Variants in PTPRS observed in about 807,000 individuals in gnomAD.
The protein encoded by PTPRS is protein tyrosine phosphatase receptor type S, also known as receptor-type tyrosine-protein phosphatase S.
Under a neutral mutation model 215.3 loss-of-function variants are expected in PTPRS, and 63 were observed. The observed-to-expected ratio is 0.29, with a 90% CI of 0.24 to 0.36. The LOEUF (loss-of-function observed/expected upper bound fraction) is 0.36, where lower values mean the gene tolerates loss of function less well. Among genes scored for constraint, PTPRS ranks in the 10% least tolerant of loss-of-function variants. The probability of loss-of-function intolerance (pLI) is 1.00; values close to 1 mark genes in which losing one functional copy is unlikely to be tolerated. For missense variants in PTPRS, 2,258 were observed against 2,825.8 expected (o/e 0.80, Z 4.56); for synonymous variants, 1,404 against 1,191.4 (o/e 1.18, Z -3.68).
In PTPRS at chr19:5,286,194, TCA is replaced by T. The variant is rs769541724; in HGVS notation, c.-56_-55del. On this transcript the variant is annotated 5_prime_UTR_variant, in exon 2 of 38. Transcript: ENST00000262963. The stretch of plus-strand genomic sequence containing the variant: ...TGGAGGGGGATGGCCCCCCGGTCCC[TCA>T]CAGAGAGGCCTCGAGCCGAGCGTCA... 3.1e-6 allele frequency: 5 copies of T among 1,593,846 alleles called. No individual in the cohort carries two copies. Among genetic ancestry groups the T allele is most frequent in the South Asian group, 1.1e-5 (1 of 89,242 alleles).
intron 2 of PTPRS, among the ~76,000 whole-genome samples, chr19:5,285,068 C>T (rs973702539): frequency 6.6e-5 from 10 of 152,244 alleles, no homozygotes; most frequent in Admixed American, 6.5e-4. Context: ...TGTGGTAACA[C>T]AGGATTGCCG....
intron 13 of PTPRS, among the ~76,000 whole-genome samples, chr19:5,232,844 C>T (rs915368388): frequency 7.2e-5 from 11 of 152,078 alleles, no homozygotes; most frequent in Non-Finnish European, 1.5e-4. Flanking sequence ...TGCCAGGCAC[C>T]GTGGCAAGGG....
chr19:5,211,461 A>AGATGT (rs2040876632), intron 33 of PTPRS, 129 bp downstream of exon 33: 1 of 887,458 alleles, frequency 1.1e-6, no homozygotes, highest in African/African-American at 1.7e-5. Flanking sequence ...ATACATCTAA[A>AGATGT]GATGTGTATT....
chr19:5,285,673 C>T (rs1055834634), intron 2 of PTPRS, among the ~76,000 whole-genome samples: 2 of 152,162 alleles, frequency 1.3e-5, no homozygotes, highest in African/African-American at 4.8e-5. Context: ...GTCCTTGCCT[C>T]GTTTTCCCTC....
In PTPRS at chr19:5,206,060, T is replaced by TAA. The variant is rs545658474; in HGVS notation, c.*712_*713dup. 2.9e-3 allele frequency among the ~76,000 whole-genome samples: 207 copies of TAA among 70,198 alleles called. 1 individual carries two copies. The highest frequency in any genetic ancestry group is 7.8e-3 in the African/African-American group (147 of 18,938). 46.1% of individuals were successfully genotyped at this position (70,198 alleles called of 152,430 possible). ...CACACTTTCTGATGGTAGGAAAAAT[T>TAA]AAAAAAAAAAAAAAAAAAAAAAAAG... On this transcript the variant is annotated 3_prime_UTR_variant, in exon 38 of 38. Transcript: ENST00000262963.
intron 14 of PTPRS, among the ~76,000 whole-genome samples, 170 bp from the exon 15 acceptor site, chr19:5,229,854 C>T (rs1599537324): frequency 6.6e-6 from 1 of 151,924 alleles, no homozygotes; most frequent in Non-Finnish European, 1.5e-5. Context: ...CCTGCACACC[C>T]CCCACAGCCC....
intron 1 of PTPRS, among the ~76,000 whole-genome samples, chr19:5,315,367 T>C (rs1392382999): frequency 4.6e-5 from 6 of 129,792 alleles, no homozygotes; most frequent in African/African-American, 1.2e-4. Context: ...TTTTTTTTTT[T>C]TTTTTTTTTT....
At chr19:5,330,862 G>A (rs962286299) in intron 1 of PTPRS, among the ~76,000 whole-genome samples, 2 of 152,118 alleles carry the variant, frequency 1.3e-5, no homozygotes, top group Non-Finnish European at 2.9e-5. Context: ...GCTGATATCT[G>A]GGAGTTGAAG....
chr19:5,262,968 G>T lies in PTPRS; in HGVS notation c.573C>A (p.Thr191=). 1 of 1,513,804 alleles carries T rather than the reference G, an allele frequency of 6.6e-7. No individual in the cohort carries two copies. The highest frequency in any genetic ancestry group is 8.9e-7 in the Non-Finnish European group (1 of 1,119,336). The allele number at this position is 1,513,804 out of a possible 1,614,324, so 93.8% of individuals were successfully genotyped here. ...NGRIKQLRSE[T]FESTPIRGAL... ...TGGTGATGAAATCAGACTTACCAAAGGTTTCTGAACGTTTACAACAGGAGG... is the reference window on the plus strand; with the variant it reads ...TGGTGATGAAATCAGACTTACCAAATGTTTCTGAACGTTTACAACAGGAGG... Residue 191 remains threonine, a synonymous_variant, in exon 6 of 38, where the codon ACC becomes ACA. Coordinates refer to ENST00000262963, the MANE Select transcript of PTPRS (RefSeq NM_002850.4).
At chr19:5,289,652 T>C (rs1350088458) in intron 1 of PTPRS, among the ~76,000 whole-genome samples, 1 of 152,178 alleles carries the variant, frequency 6.6e-6, no homozygotes, top group Non-Finnish European at 1.5e-5. Context: ...ACACCCCAAG[T>C]GCAGTCCAGT....
At position 5,209,982 on chromosome 19, in the gene PTPRS, G is replaced by C. The variant is rs116857431; in HGVS notation, c.5487+487C>G. Among the ~76,000 whole-genome samples, 277 of 152,240 alleles carry C rather than the reference G, an allele frequency of 1.8e-3. 3 individuals are homozygous for C. Among genetic ancestry groups the C allele is most frequent in the South Asian group, 0.015 (73 of 4,826 alleles). Reference sequence around the variant, plus strand: ...ACCCAACAGGGCCACCTTCCACTATGAGTCTTCATCTGTTGCCACCTAATA... The same window carrying C: ...ACCCAACAGGGCCACCTTCCACTATCAGTCTTCATCTGTTGCCACCTAATA... On this transcript the variant is annotated intron_variant, in intron 35 of 37. Coordinates refer to ENST00000262963, the MANE Select transcript of PTPRS (RefSeq NM_002850.4).
At chr19:5,247,903 G>A (rs1044308203) in intron 9 of PTPRS, among the ~76,000 whole-genome samples, 2 of 151,882 alleles carry the variant, frequency 1.3e-5, no homozygotes, top group African/African-American at 2.4e-5. Context: ...GAAGCCCCAC[G>A]AAAAGTCCAG....
chr19:5,336,367 T>C (rs2050503368), intron 1 of PTPRS, among the ~76,000 whole-genome samples: 1 of 151,798 alleles, frequency 6.6e-6, no homozygotes, highest in Non-Finnish European at 1.5e-5. Context: ...GCTGCCACTC[T>C]CTGCGTGAGA....
intron 36 of PTPRS, 55 bp downstream of exon 36, chr19:5,208,182 C>A: frequency 1.9e-6 from 3 of 1,558,972 alleles, no homozygotes; most frequent in Non-Finnish European, 2.6e-6. Context: ...GCTGTCCCCA[C>A]CAGGCCTCAG....
At chr19:5,277,078 G>A (rs4992198) in intron 2 of PTPRS, among the ~76,000 whole-genome samples, 1 of 139,050 alleles carries the variant, frequency 7.2e-6, no homozygotes, top group African/African-American at 2.7e-5. Flanking sequence ...TTTTTTTTAA[G>A]AGACTGAGTC....
At chr19:5,251,942 C>T (rs2045130137) in intron 9 of PTPRS, among the ~76,000 whole-genome samples, 1 of 152,106 alleles carries the variant, frequency 6.6e-6, no homozygotes, top group South Asian at 2.1e-4. Flanking sequence ...GAGGGGTGTT[C>T]CAGCCCACCA....
chr19:5,311,658 G>A (rs2049706762), intron 1 of PTPRS, among the ~76,000 whole-genome samples: 1 of 152,218 alleles, frequency 6.6e-6, no homozygotes, highest in African/African-American at 2.4e-5. Flanking sequence ...CTGTTCAGGG[G>A]AGACCCGAGC....
In PTPRS at chr19:5,274,348, G is replaced by C. The variant is rs1255925943; in HGVS notation, c.92-4C>G. 1.2e-6 allele frequency: 2 copies of C among 1,605,946 alleles called. No homozygotes were observed. The highest frequency in any genetic ancestry group is 2.2e-5 in the South Asian group (2 of 90,882). ...TCTTTGATAAACCTGGGGGGCTCTG[G>C]GGATACAGTGGAAAGAAGGGGGGGC... On this transcript the variant is annotated splice_polypyrimidine_tract_variant and splice_region_variant and intron_variant, in intron 2 of 37. Transcript: ENST00000262963.
chr19:5,264,902 GTC>G, intron 5 of PTPRS, 104 bp downstream of exon 5: 1 of 1,323,958 alleles, frequency 7.6e-7, no homozygotes, highest in East Asian at 2.5e-5. Flanking sequence ...GCCACACACT[GTC>G]TCTGTCTGTC....
Sources: allele counts gnomAD v4.1 joint callset (sites outside exome capture counted in the v4.1 genomes callset), GRCh38; gene constraint gnomAD v4.1.1; transcripts MANE v1.5; gene names NCBI Gene and HGNC (gene_info 2026-07-23, HGNC 2026-07-21).